Variants in LMTK2 observed in about 807,000 individuals in gnomAD.
LMTK2 encodes serine/threonine-protein kinase LMTK2.
In LMTK2, 37 loss-of-function variants were observed where a neutral mutation model predicts 127.5. The ratio of observed to expected loss-of-function variants is 0.29; its 90% CI spans 0.22 to 0.38. The LOEUF (loss-of-function observed/expected upper bound fraction) is 0.38, where lower values mean the gene tolerates loss of function less well. Ranked by LOEUF, LMTK2 falls within the 10% of genes least tolerant of loss-of-function variation. The probability of loss-of-function intolerance (pLI) is 1.00; values close to 1 mark genes in which losing one functional copy is unlikely to be tolerated. For missense variants in LMTK2, 1,694 were observed against 1,920.3 expected (o/e 0.88, Z 2.20); for synonymous variants, 819 against 810.1 (o/e 1.01, Z -0.19).
chr7:98,116,102 C>T (rs1053094913), intron 1 of LMTK2, among the ~76,000 whole-genome samples: 1 of 152,040 alleles, frequency 6.6e-6, no homozygotes, highest in African/African-American at 2.4e-5. Context: ...CCATGTTGCC[C>T]AGGCTGGTCT....
rs779112985 is a variant in LMTK2, at chr7:98,192,041, G to A, written c.1576G>A (p.Gly526Ser). The change falls in exon 11 of 14, where the codon GGC (glycine) becomes AGC (serine). Residue 526 changes from glycine to serine, a missense_variant. Physicochemically the swap from Gly to Ser is moderately conservative, Grantham distance 56 (BLOSUM62 0). This residue lies in a region of LMTK2 where 216 missense variants were observed against 266.8 expected (regional missense o/e 0.81). Transcript: ENST00000297293. ...DPGPGKQDDSGQDVPLRVPGV... is the reference protein window; with the variant it reads ...DPGPGKQDDSSQDVPLRVPGV... The stretch of plus-strand genomic sequence containing the variant: ...TGGGCCCGGAAAGCAAGATGACAGC[G>A]GCCAGGATGTCCCCCTGAGGGTCCC... The A allele has an allele frequency of 3.9e-5, 63 of 1,603,602 alleles. No individual in the cohort carries two copies. Among genetic ancestry groups the A allele is most frequent in the Non-Finnish European group, 4.5e-5 (53 of 1,172,794 alleles).
rs1797196292 is a variant in LMTK2 at position 98,171,739 on chromosome 7, CGAGT to C, written c.791+66_791+69del. ...CGGCGGGACAGTCCAGAGAGGCTGC[CGAGT>C]TTGTGAAACTTAAGGAGGACAGGAG... is the stretch of plus-strand genomic sequence containing the variant. On this transcript the variant is annotated intron_variant, in intron 7 of 13. Coordinates refer to ENST00000297293, the MANE Select transcript of LMTK2 (RefSeq NM_014916.4). The surrounding 1 kb of genome is among the most constrained non-coding windows in gnomAD (Gnocchi z 5.1). 1.4e-6 allele frequency: 2 copies of C among 1,470,420 alleles called. No homozygotes were observed. Among genetic ancestry groups the C allele is most frequent in the South Asian group, 2.8e-5 (2 of 72,220 alleles). The allele number at this position is 1,470,420 out of a possible 1,614,324, so 91.1% of individuals were successfully genotyped here.
rs761001381 is a variant in LMTK2, at chr7:98,206,691, G to C, written c.*1199G>C. The C allele has an allele frequency of 6.6e-6, 1 of 152,196 alleles. No homozygotes were observed. The highest frequency in any genetic ancestry group is 1.5e-5 in the Non-Finnish European group (1 of 68,084). 9.4% of individuals were successfully genotyped at this position (152,196 alleles called of 1,614,324 possible). ...GACTTGATGATGTGTGCACACTTCA[G>C]GTGGTGGGGACTTGAGCTTTAAAAA... On this transcript the variant is annotated 3_prime_UTR_variant, in exon 14 of 14. Transcript: ENST00000297293.
rs779393954 is a variant in LMTK2 at position 98,193,152 on chromosome 7, T to C, written c.2687T>C (p.Leu896Pro). The change falls in exon 11 of 14, where the codon CTC (leucine) becomes CCC (proline). Residue 896 changes from leucine (L) to proline (P), a missense_variant. Physicochemically the swap from Leu to Pro is moderately conservative, Grantham distance 98 (BLOSUM62 -3). Around this residue, in one of 8 missense-constraint regions of LMTK2, gnomAD observed 527 missense variants for 539.8 expected, o/e 0.98. Transcript: ENST00000297293. The surrounding 1 kb of genome is among the most constrained non-coding windows in gnomAD (Gnocchi z 4.1). ...GGCGAGAGTGAGGAGACCCTGCGAC[T>C]CACCGAAAGTGACTCTGTTCTTGCT... ...SPGESEETLR[L>P]TESDSVLADD... 61 of 1,613,336 alleles carry C rather than the reference T, an allele frequency of 3.8e-5. No homozygotes were observed. Among genetic ancestry groups the C allele is most frequent in the Non-Finnish European group, 5.2e-5 (61 of 1,179,994 alleles).
chr7:98,124,458 G>C (rs77166316), intron 1 of LMTK2, among the ~76,000 whole-genome samples: 1 of 152,112 alleles, frequency 6.6e-6, no homozygotes, highest in African/African-American at 2.4e-5. Context: ...AGACAAGCCC[G>C]GGCAACATGG....
chr7:98,181,997 G>A (rs1189713424), intron 7 of LMTK2, among the ~76,000 whole-genome samples: 2 of 152,180 alleles, frequency 1.3e-5, no homozygotes, highest in Non-Finnish European at 2.9e-5. Context: ...ACTATTCAAT[G>A]GAGAAAGGAT....
rs551486715 is a variant in LMTK2, at chr7:98,194,329, C to G, written c.3864C>G (p.Asp1288Glu). 1 of 1,614,084 alleles carries G rather than the reference C, an allele frequency of 6.2e-7. No homozygotes were observed. Among genetic ancestry groups the G allele is most frequent in the Non-Finnish European group, 8.5e-7 (1 of 1,180,018 alleles). The change falls in exon 11 of 14, where the codon GAC becomes GAG. Residue 1288 changes from aspartate to glutamate, a missense_variant. Asp to Glu is a conservative substitution (Grantham distance 45, BLOSUM62 2). This residue lies in a region of LMTK2 where 554 missense variants were observed against 567.7 expected (regional missense o/e 0.98). Coordinates refer to ENST00000297293, the MANE Select transcript of LMTK2 (RefSeq NM_014916.4). The surrounding 1 kb of genome is among the most constrained non-coding windows in gnomAD (Gnocchi z 5.4). ...SEDGMDADEE[D>E]ENSDDSDEDL... Reference sequence around the variant, plus strand: ...ACGGGATGGATGCAGACGAGGAGGACGAAAACAGCGACGACTCGGACGAGG... The same window carrying G: ...ACGGGATGGATGCAGACGAGGAGGAGGAAAACAGCGACGACTCGGACGAGG...
chr7:98,184,996 A>G, intron 7 of LMTK2, 55 bp from the exon 8 acceptor site: 1 of 1,288,294 alleles, frequency 7.8e-7, no homozygotes, highest in Non-Finnish European at 1.1e-6. Context: ...ATTTCCATAC[A>G]GCATGATCCT....
intron 10 of LMTK2, among the ~76,000 whole-genome samples, chr7:98,191,205 C>T (rs1333016677): frequency 4.6e-5 from 7 of 152,188 alleles, no homozygotes; most frequent in African/African-American, 1.7e-4. Flanking sequence ...ACTTCAGCCT[C>T]CCATTGCCCC....
rs1050569099 is a variant in LMTK2, at chr7:98,204,144, T to C, written c.4441T>C (p.Phe1481Leu). The stretch of plus-strand genomic sequence containing the variant: ...CATCTCTCCCGCCAACATTGCCAGC[T>C]TTTCCCTCACACACCTGACCGACTC... ...FSISPANIAS[F>L]SLTHLTDSDI... is the part of the protein sequence containing the mutation. The change falls in exon 13 of 14, where the codon TTT becomes CTT. Residue 1481 changes from phenylalanine (F) to leucine (L), a missense_variant. Phe to Leu is a conservative substitution (Grantham distance 22). This residue lies in a region of LMTK2 where 554 missense variants were observed against 567.7 expected (regional missense o/e 0.98). Coordinates refer to ENST00000297293, the MANE Select transcript of LMTK2 (RefSeq NM_014916.4). The C allele has an allele frequency of 3.1e-6, 5 of 1,610,514 alleles. No individual in the cohort carries two copies. Among genetic ancestry groups the C allele is most frequent in the Non-Finnish European group, 4.2e-6 (5 of 1,179,994 alleles).
intron 7 of LMTK2, among the ~76,000 whole-genome samples, chr7:98,181,118 C>T (rs541774959): frequency 9.9e-5 from 15 of 151,872 alleles, no homozygotes; most frequent in African/African-American, 2.6e-4. Context: ...TTTCCAGCAG[C>T]TCAGTTGAGG....
At chr7:98,119,213 C>A (rs1460889048) in intron 1 of LMTK2, among the ~76,000 whole-genome samples, 1 of 152,210 alleles carries the variant, frequency 6.6e-6, no homozygotes, top group African/African-American at 2.4e-5. Context: ...TTTCTCCCCT[C>A]ATCCCCTCAC....
chr7:98,200,825 GT>G (rs1797695023), intron 11 of LMTK2, among the ~76,000 whole-genome samples: 1 of 150,358 alleles, frequency 6.7e-6, no homozygotes, highest in African/African-American at 2.4e-5. Flanking sequence ...TTTTGTTGTT[GT>G]TGTTGTTGTT....
chr7:98,188,039 T>C (rs117566380), intron 9 of LMTK2, among the ~76,000 whole-genome samples: 2,720 of 152,306 alleles, frequency 0.018, 36 homozygotes, highest in Non-Finnish European at 0.029. Flanking sequence ...TTTGAAAATA[T>C]ACAAAAATTT....
At chr7:98,197,297 T>C (rs1364860870) in intron 11 of LMTK2, among the ~76,000 whole-genome samples, 3 of 152,226 alleles carry the variant, frequency 2.0e-5, no homozygotes, top group Non-Finnish European at 4.4e-5. Flanking sequence ...AGGTAAACTT[T>C]GCACAGGGTC....
At chr7:98,160,306 G>A (rs1012447463) in intron 6 of LMTK2, among the ~76,000 whole-genome samples, 10 of 152,290 alleles carry the variant, frequency 6.6e-5, no homozygotes, top group Admixed American at 4.6e-4. Context: ...AGTAAGCATC[G>A]TGATTTTTTG....
rs1378530830 is a variant in LMTK2, at chr7:98,207,859, G to C, written c.*2367G>C. 6.6e-6 allele frequency: 1 copy of C among 152,056 alleles called. No homozygotes were observed. Among genetic ancestry groups the C allele is most frequent in the Non-Finnish European group, 1.5e-5 (1 of 68,028 alleles). 9.4% of individuals were successfully genotyped at this position (152,056 alleles called of 1,614,324 possible). ...TCCCAACACATTGGGGGGTCGAGGC[G>C]GACGGATCACTTTGAGCCCAGGAGT... On this transcript the variant is annotated 3_prime_UTR_variant, in exon 14 of 14. Coordinates refer to ENST00000297293, the MANE Select transcript of LMTK2 (RefSeq NM_014916.4).
chr7:98,141,585 T>C, intron 3 of LMTK2, 44 bp downstream of exon 3: 1 of 1,570,940 alleles, frequency 6.4e-7, no homozygotes, highest in Non-Finnish European at 8.7e-7. Context: ...GAATTGTTTC[T>C]GAGATCTGAG....
chr7:98,136,387 G>A (rs1020566037), intron 1 of LMTK2, among the ~76,000 whole-genome samples: 1 of 152,226 alleles, frequency 6.6e-6, no homozygotes, highest in Non-Finnish European at 1.5e-5. Context: ...TAGGCAAGAT[G>A]CCCTGACAGA....
Sources: allele counts gnomAD v4.1 joint callset (sites outside exome capture counted in the v4.1 genomes callset), GRCh38; gene constraint gnomAD v4.1.1; regional missense constraint gnomAD v4.1.1; non-coding constraint Gnocchi (gnomAD v3.1); transcripts MANE v1.5; gene names NCBI Gene and HGNC (gene_info 2026-07-23, HGNC 2026-07-21).